Variants in ADAMTS9 observed in about 807,000 individuals in gnomAD.
ADAMTS9 encodes the protein ADAM metallopeptidase with thrombospondin type 1 motif 9, also known as A disintegrin and metalloproteinase with thrombospondin motifs 9.
ADAMTS9 carries 107 observed loss-of-function variants against 257.1 expected under a neutral mutation model. The observed-to-expected ratio is 0.42, with a 90% CI of 0.36 to 0.49. The LOEUF is 0.49. Among genes scored for constraint, ADAMTS9 ranks in the 20% least tolerant of loss-of-function variants. ADAMTS9 has a pLI of 0.03. For synonymous variants in ADAMTS9, 982 were observed against 880.9 expected (o/e 1.11, Z -2.03); for missense variants, 2,353 against 2,469.1 (o/e 0.95, Z 1.00).
chr3:64,652,458 C>T (rs770344975), intron 8 of ADAMTS9, among the ~76,000 whole-genome samples: 15 of 152,126 alleles, frequency 9.9e-5, no homozygotes, highest in Non-Finnish European at 1.9e-4. Flanking sequence ...CAATGCAATA[C>T]CTGCATCAAC....
chr3:64,602,259 G>A, intron 25 of ADAMTS9, 46 bp from the exon 26 acceptor site: 5 of 1,593,674 alleles, frequency 3.1e-6, no homozygotes, highest in South Asian at 1.1e-5. Context: ...ATTTGGTGGA[G>A]GGGTTGACAA....
chr3:64,540,424 G>C (rs1328078385), intron 36 of ADAMTS9, among the ~76,000 whole-genome samples: 1 of 152,196 alleles, frequency 6.6e-6, no homozygotes, highest in East Asian at 1.9e-4. Flanking sequence ...CAGAGATGCA[G>C]TGTTGGCGAG....
At chr3:64,643,000 T>C (rs1026301375) in intron 11 of ADAMTS9, among the ~76,000 whole-genome samples, 1 of 152,122 alleles carries the variant, frequency 6.6e-6, no homozygotes, top group African/African-American at 2.4e-5. Context: ...ATTTAAACAG[T>C]GCAATTAAGC....
chr3:64,619,493 A>G (rs1700053011), intron 19 of ADAMTS9, among the ~76,000 whole-genome samples: 1 of 152,130 alleles, frequency 6.6e-6, no homozygotes, highest in Non-Finnish European at 1.5e-5. Flanking sequence ...AGCTTGTGCA[A>G]TTTGTTTAAC....
chr3:64,621,190 C>T lies in ADAMTS9; in HGVS notation c.2737G>A (p.Val913Ile), dbSNP rs1179844051. The change falls in exon 19 of 40, where the codon GTT becomes ATT. Residue 913 changes from valine to isoleucine, a missense_variant. Around this residue, in one of 3 missense-constraint regions of ADAMTS9, gnomAD observed 1,402 missense variants for 1,441.4 expected, o/e 0.97. Transcript: ENST00000498707. ...VCTRESDQLT[V>I]SDQRCDRLPQ... ...AGCCGATCGCATCTTTGATCAGAAA[C>T]AGTAAGCTGATCAGATTCCCTGGTG... The T allele has an allele frequency of 1.2e-6, 2 of 1,613,850 alleles. 1 individual carries two copies.
intron 22 of ADAMTS9, among the ~76,000 whole-genome samples, chr3:64,612,605 G>T (rs929377274): frequency 5.9e-5 from 9 of 152,098 alleles, no homozygotes; most frequent in Non-Finnish European, 1.2e-4. Context: ...GTGAAGGGAG[G>T]GTCATTCTTC....
intron 32 of ADAMTS9, 152 bp from the exon 33 acceptor site, chr3:64,542,122 C>A (rs2083131551): frequency 1.0e-6 from 1 of 974,044 alleles, no homozygotes; most frequent in African/African-American, 1.6e-5. Context: ...ATTTACTGAG[C>A]ACTTACTATG....
chr3:64,603,981 C>A lies in ADAMTS9; in HGVS notation c.3688G>T (p.Ala1230Ser), dbSNP rs767189793. Residue 1230 changes from alanine (A) to serine (S), a missense_variant, in exon 25 of 40, where the codon GCA (alanine) becomes TCA (serine). By Grantham distance (99) the Ala-to-Ser change is moderately conservative (BLOSUM62 1). Around this residue, in one of 3 missense-constraint regions of ADAMTS9, gnomAD observed 1,402 missense variants for 1,441.4 expected, o/e 0.97. Coordinates refer to ENST00000498707, the MANE Select transcript of ADAMTS9 (RefSeq NM_182920.2). ...SACATLPRPV[A>S]KEECSVTPCG... The stretch of plus-strand genomic sequence containing the variant: ...GGTGTCACAGAACATTCTTCCTTTG[C>A]CACTGGTCTAGGCAGGGTAGCACAG... 1.9e-6 allele frequency: 3 copies of A among 1,614,078 alleles called. No individual in the cohort carries two copies. Among genetic ancestry groups the A allele is most frequent in the Non-Finnish European group, 2.5e-6 (3 of 1,179,996 alleles).
intron 38 of ADAMTS9, among the ~76,000 whole-genome samples, chr3:64,526,081 AAAT>A (rs199504810): frequency 0.13 from 18,438 of 147,260 alleles, 1,375 homozygotes; most frequent in East Asian, 0.33. Context: ...TATTATAATA[AAAT>A]AATACAATAT....
intron 21 of ADAMTS9, chr3:64,614,790 G>C (rs903810986): frequency 6.6e-6 from 1 of 152,228 alleles, no homozygotes; most frequent in Non-Finnish European, 1.5e-5. Flanking sequence ...ATAAAGTAAA[G>C]GATGAGAAAG....
chr3:64,565,004 T>C (rs1331597267), intron 29 of ADAMTS9, among the ~76,000 whole-genome samples: 1 of 152,216 alleles, frequency 6.6e-6, no homozygotes, highest in Non-Finnish European at 1.5e-5. Flanking sequence ...GCTAATATGA[T>C]GCAGTCTTTT....
At chr3:64,544,087 A>G (rs1255451141) in intron 32 of ADAMTS9, among the ~76,000 whole-genome samples, 7 of 152,212 alleles carry the variant, frequency 4.6e-5, no homozygotes, top group Admixed American at 4.6e-4. Context: ...AAGGAGAACT[A>G]CAAACCACTG....
intron 39 of ADAMTS9, among the ~76,000 whole-genome samples, chr3:64,518,736 T>C (rs1481807188): frequency 6.6e-6 from 1 of 150,908 alleles, no homozygotes; most frequent in Non-Finnish European, 1.5e-5. Flanking sequence ...CTCTGAGTTC[T>C]GCCGAGGGAA....
Position 64,568,502 on chromosome 3 carries a change from G to A in ADAMTS9, c.4390C>T (p.Arg1464Ter), listed in dbSNP as rs372512693. 3.7e-6 allele frequency: 6 copies of A among 1,613,882 alleles called. No homozygotes were observed. Among genetic ancestry groups the A allele is most frequent in the Admixed American group, 1.7e-5 (1 of 59,946 alleles). The change falls in exon 29 of 40, where the codon CGA becomes TGA. Residue 1464 changes from arginine (R) to a stop codon, truncating the protein, a stop_gained. Coordinates refer to ENST00000498707, the MANE Select transcript of ADAMTS9 (RefSeq NM_182920.2). LOFTEE classifies it high-confidence loss of function. The part of the protein sequence containing the change: ...SVSCGRGHKQ[R>*]NVYCMAKDGS... ...TCTTTTGCCATGCAGTAAACATTTC[G>A]TTGTTTATGCCCTCGACCACAAGAG...
intron 38 of ADAMTS9, among the ~76,000 whole-genome samples, chr3:64,529,417 T>C (rs2106885004): frequency 6.6e-6 from 1 of 152,144 alleles, no homozygotes; most frequent in African/African-American, 2.4e-5. Flanking sequence ...AATTGAGGTT[T>C]TCATTTTTTT....
chr3:64,622,200 T>C lies in ADAMTS9; in HGVS notation c.2684A>G (p.Gln895Arg), dbSNP rs1266954519. The change falls in exon 18 of 40, where the codon CAA (glutamine) becomes CGA (arginine). Residue 895 changes from glutamine to arginine, a missense_variant and splice_region_variant. Coordinates refer to ENST00000498707, the MANE Select transcript of ADAMTS9 (RefSeq NM_182920.2). ...GAACTCAAATTCAAAGCAGATACCTTGGCAGGGTTTACTGCATGCTTGCCA... is the reference window on the plus strand; with the variant it reads ...GAACTCAAATTCAAAGCAGATACCTCGGCAGGGTTTACTGCATGCTTGCCA... The part of the protein sequence containing the change: ...GPWQACSKPC[Q>R]GERKRKLVCT... The C allele has an allele frequency of 1.2e-6, 2 of 1,611,390 alleles. No homozygotes were observed. The highest frequency in any genetic ancestry group is 1.3e-5 in the African/African-American group (1 of 74,780).
chr3:64,596,757 T>C, intron 27 of ADAMTS9, 73 bp downstream of exon 27: 1 of 1,566,912 alleles, frequency 6.4e-7, no homozygotes, highest in Non-Finnish European at 8.7e-7. Flanking sequence ...TCCTTGAAAA[T>C]AAAATCTGAA....
chr3:64,628,524 G>A (rs7652719), intron 16 of ADAMTS9, among the ~76,000 whole-genome samples: 10,329 of 152,192 alleles, frequency 0.068, 1,112 homozygotes, highest in African/African-American at 0.23. Context: ...TTATAACCAA[G>A]TGTACAAAGA....
intron 38 of ADAMTS9, among the ~76,000 whole-genome samples, chr3:64,525,830 C>T (rs551524337): frequency 2.0e-5 from 3 of 151,482 alleles, no homozygotes; most frequent in South Asian, 2.1e-4. Flanking sequence ...AGACTGGTCT[C>T]GAACTCCTGA....
Sources: allele counts gnomAD v4.1 joint callset (sites outside exome capture counted in the v4.1 genomes callset), GRCh38; gene constraint gnomAD v4.1.1; regional missense constraint gnomAD v4.1.1; transcripts MANE v1.5; gene names NCBI Gene and HGNC (gene_info 2026-07-23, HGNC 2026-07-21).